Variants in CDH13 observed in about 807,000 individuals in gnomAD.
CDH13 encodes cadherin-13.
Under a neutral mutation model 63.8 loss-of-function variants are expected in CDH13, and 24 were observed. That is an observed-to-expected ratio of 0.38 (90% CI 0.27 to 0.53). The LOEUF (loss-of-function observed/expected upper bound fraction) is 0.53, where lower values mean the gene tolerates loss of function less well. Among genes scored for constraint, CDH13 ranks in the 20% least tolerant of loss-of-function variants. The probability of loss-of-function intolerance (pLI) is 0.85; values close to 1 mark genes in which losing one functional copy is unlikely to be tolerated. For synonymous variants in CDH13, 503 were observed against 355.3 expected (o/e 1.42, Z -4.67); for missense variants, 1,049 against 903.1 (o/e 1.16, Z -2.07).
At position 83,797,646 on chromosome 16, in the gene CDH13, T is replaced by G. The variant is rs1422550299; in HGVS notation, c.*2616T>G. On this transcript the variant is annotated 3_prime_UTR_variant, in exon 14 of 14. Transcript: ENST00000567109. Reference sequence around the variant, plus strand: ...TTGTTTACTGAAAACCATAGTAGAATCAAAATGTTATTTCATTATTACCTA... The same window carrying G: ...TTGTTTACTGAAAACCATAGTAGAAGCAAAATGTTATTTCATTATTACCTA... The G allele has an allele frequency of 1.3e-5, 2 of 152,208 alleles. No homozygotes were observed. Among genetic ancestry groups the G allele is most frequent in the Non-Finnish European group, 2.9e-5 (2 of 68,032 alleles). 9.4% of individuals were successfully genotyped at this position (152,208 alleles called of 1,614,324 possible). A position where few individuals can be genotyped will look rare whatever the true frequency, so the allele number is the denominator to read the frequency against.
At chr16:83,236,854 T>C (rs2040159739) in intron 5 of CDH13, among the ~76,000 whole-genome samples, 1 of 152,078 alleles carries the variant, frequency 6.6e-6, no homozygotes, top group African/African-American at 2.4e-5. Flanking sequence ...GGGTTTCCCT[T>C]TGAAGTCATG....
At position 82,833,184 on chromosome 16, in the gene CDH13, C is replaced by T. The variant is rs181842034; in HGVS notation, c.46-25178C>T. Among the ~76,000 whole-genome samples the T allele has an allele frequency of 1.1e-4, 16 of 152,278 alleles. No individual in the cohort carries two copies. In the East Asian group the frequency reaches 2.7e-3, roughly 26 times the overall value. On this transcript the variant is annotated intron_variant, in intron 1 of 13. Coordinates refer to ENST00000567109, the MANE Select transcript of CDH13 (RefSeq NM_001257.5). ...TAAGTCATCTAAAAAACAAATGTTT[C>T]GGATATTCAGGGTTTTCTGATTTCA...
At chr16:83,487,362 G>T (rs757341171) in intron 7 of CDH13, among the ~76,000 whole-genome samples, 32 of 152,224 alleles carry the variant, frequency 2.1e-4, no homozygotes, top group Non-Finnish European at 4.0e-4. Context: ...AGAAATCCTG[G>T]AGACATCAGG....
At chr16:82,948,002 C>G (rs1904917962) in intron 2 of CDH13, among the ~76,000 whole-genome samples, 1 of 152,140 alleles carries the variant, frequency 6.6e-6, no homozygotes, top group African/African-American at 2.4e-5. Flanking sequence ...TTCATGTGGA[C>G]TTCACATGTA....
chr16:83,713,079 A>T (rs557279392), intron 10 of CDH13, among the ~76,000 whole-genome samples: 64 of 152,188 alleles, frequency 4.2e-4, no homozygotes, highest in Non-Finnish European at 8.5e-4. Flanking sequence ...TAATGTATGG[A>T]TTATAGTTCA....
chr16:82,717,464 C>CA lies in CDH13; in HGVS notation c.45+90328dup, dbSNP rs398100334. 1.1e-4 allele frequency among the ~76,000 whole-genome samples: 17 copies of CA among 150,502 alleles called. No homozygotes were observed. The South Asian group carries it at 2.6e-3, about 23-fold the overall frequency. ...AAAAAAAAAAAAAAAAGAGCCCCCC[C>CA]ACTCATCCACACTTACTCTCTTACA... On this transcript the variant is annotated intron_variant, in intron 1 of 13. Coordinates refer to ENST00000567109, the MANE Select transcript of CDH13 (RefSeq NM_001257.5).
At chr16:82,983,350 C>T (rs901728174) in intron 2 of CDH13, among the ~76,000 whole-genome samples, 7 of 151,740 alleles carry the variant, frequency 4.6e-5, no homozygotes, top group Admixed American at 3.3e-4. Context: ...CCGGCTGTTT[C>T]CCCTAATATA....
chr16:83,287,716 G>A (rs1413033668), intron 5 of CDH13, among the ~76,000 whole-genome samples: 1 of 152,088 alleles, frequency 6.6e-6, no homozygotes, highest in Non-Finnish European at 1.5e-5. Context: ...TAGAAATAAA[G>A]TGCACCATAA....
intron 2 of CDH13, among the ~76,000 whole-genome samples, chr16:82,926,411 A>T (rs1402172690): frequency 6.6e-6 from 1 of 152,216 alleles, no homozygotes; most frequent in Non-Finnish European, 1.5e-5. Flanking sequence ...AGAGATCCTG[A>T]GTTGGAACAC....
intron 5 of CDH13, among the ~76,000 whole-genome samples, chr16:83,255,828 A>T (rs1906191522): frequency 6.6e-6 from 1 of 152,100 alleles, no homozygotes; most frequent in Non-Finnish European, 1.5e-5. Context: ...CAAAATAAGG[A>T]TACTGGCTTT....
At chr16:83,698,443 C>T (rs369326803) in intron 10 of CDH13, among the ~76,000 whole-genome samples, 7 of 152,222 alleles carry the variant, frequency 4.6e-5, no homozygotes, top group East Asian at 1.9e-4. Flanking sequence ...GATGAACCTC[C>T]CTGAGGCCAC....
chr16:83,327,774 T>C (rs1194863702), intron 5 of CDH13, among the ~76,000 whole-genome samples: 2 of 152,160 alleles, frequency 1.3e-5, no homozygotes, highest in East Asian at 3.9e-4. Flanking sequence ...TCATGAAAAC[T>C]CTTTGGAAAA....
intron 1 of CDH13, among the ~76,000 whole-genome samples, chr16:82,805,002 C>T (rs2037073590): frequency 6.6e-6 from 1 of 152,100 alleles, no homozygotes; most frequent in Non-Finnish European, 1.5e-5. Context: ...TCTTTGTATC[C>T]ATCTTTCCTT....
rs566650257 is a variant in CDH13 at position 83,139,563 on chromosome 16, T to C, written c.483+14062T>C. ...TTCATCACAAGTGGTGCTTTTATTT[T>C]GTTATTTGCATCTGGAAATCATTCC... On this transcript the variant is annotated intron_variant, in intron 4 of 13. Coordinates refer to ENST00000567109, the MANE Select transcript of CDH13 (RefSeq NM_001257.5). Among the ~76,000 whole-genome samples the C allele has an allele frequency of 2.0e-5, 3 of 152,360 alleles. No individual in the cohort carries two copies. In the South Asian group the frequency reaches 6.2e-4, roughly 32 times the overall value.
chr16:83,368,362 C>G (rs2091293609), intron 6 of CDH13, among the ~76,000 whole-genome samples: 1 of 152,158 alleles, frequency 6.6e-6, no homozygotes, highest in Non-Finnish European at 1.5e-5. Flanking sequence ...AACGTGTGAA[C>G]TAATTATGGA....
At chr16:83,037,357 C>T (rs1221164455) in intron 3 of CDH13, among the ~76,000 whole-genome samples, 1 of 152,184 alleles carries the variant, frequency 6.6e-6, no homozygotes, top group Non-Finnish European at 1.5e-5. Context: ...CCTAAATACC[C>T]ATTCTCCTTC....
intron 2 of CDH13, among the ~76,000 whole-genome samples, chr16:82,907,899 C>T (rs1273633654): frequency 6.6e-6 from 1 of 152,090 alleles, no homozygotes; most frequent in Non-Finnish European, 1.5e-5. Flanking sequence ...TGGGCTGAGC[C>T]CTCCAAATTA....
intron 4 of CDH13, among the ~76,000 whole-genome samples, chr16:83,150,311 T>C (rs2036922117): frequency 6.6e-6 from 1 of 152,190 alleles, no homozygotes. Flanking sequence ...TCTCTCTCTG[T>C]CTCATGTCTA....
chr16:83,056,662 G>C (rs887166993), intron 3 of CDH13, among the ~76,000 whole-genome samples: 4 of 152,130 alleles, frequency 2.6e-5, no homozygotes, highest in Non-Finnish European at 5.9e-5. Context: ...TGGTGATATG[G>C]TTTGGCCGTG....
Sources: gnomAD v4.1 joint callset for allele counts (sites outside exome capture counted in the v4.1 genomes callset) on GRCh38, gnomAD v4.1.1 for gene constraint, MANE v1.5 for transcripts, NCBI Gene and HGNC (gene_info 2026-07-23, HGNC 2026-07-21) for gene names.